Variants in DAB1 observed in about 807,000 individuals in gnomAD.
The protein encoded by DAB1 is disabled homolog 1.
DAB1 carries 15 observed loss-of-function variants against 64.6 expected under a neutral mutation model. The ratio of observed to expected loss-of-function variants is 0.23; its 90% CI spans 0.16 to 0.36. The LOEUF (loss-of-function observed/expected upper bound fraction) is 0.36. Among genes scored for constraint, DAB1 ranks in the 10% least tolerant of loss-of-function variants. DAB1 has a pLI of 1.00. For synonymous variants in DAB1, 235 were observed against 251.9 expected (o/e 0.93, Z 0.64); for missense variants, 596 against 706.7 (o/e 0.84, Z 1.78).
intron 5 of DAB1, among the ~76,000 whole-genome samples, chr1:58,101,130 C>T (rs956426767): frequency 6.6e-6 from 1 of 152,068 alleles, no homozygotes; most frequent in African/African-American, 2.4e-5. Flanking sequence ...TCCTGGCTAA[C>T]ACGGTGAAAC....
chr1:58,491,115 T>C (rs952331389), intron 3 of DAB1, among the ~76,000 whole-genome samples: 1 of 151,996 alleles, frequency 6.6e-6, no homozygotes, highest in Non-Finnish European at 1.5e-5. Flanking sequence ...CCCTTCAACA[T>C]ACTTAAAGAA....
intron 6 of DAB1, among the ~76,000 whole-genome samples, chr1:57,689,023 C>T (rs1206040800): frequency 2.3e-4 from 35 of 152,192 alleles, no homozygotes; most frequent in Non-Finnish European, 5.9e-5. Context: ...ACACAATATG[C>T]CCATGTAACA....
intron 3 of DAB1, among the ~76,000 whole-genome samples, chr1:58,501,210 T>C (rs1645901717): frequency 6.6e-6 from 1 of 152,226 alleles, no homozygotes; most frequent in Non-Finnish European, 1.5e-5. Context: ...AGGCAATTTA[T>C]ACATGTTTTA....
At chr1:57,761,938 G>A (rs1222724154) in intron 6 of DAB1, among the ~76,000 whole-genome samples, 1 of 152,148 alleles carries the variant, frequency 6.6e-6, no homozygotes, top group Admixed American at 6.5e-5. Flanking sequence ...AAAAAATGCC[G>A]AAGGGAAGAG....
chr1:58,305,086 G>T, intron 4 of DAB1, among the ~76,000 whole-genome samples: 1 of 151,906 alleles, frequency 6.6e-6, no homozygotes, highest in Non-Finnish European at 1.5e-5. Context: ...GAACTCCTGG[G>T]CTCAAGTAAT....
chr1:57,357,010 T>C (rs1338433462), intron 1 of DAB1, among the ~76,000 whole-genome samples: 5 of 152,120 alleles, frequency 3.3e-5, no homozygotes, highest in East Asian at 1.9e-4. Flanking sequence ...CCCTATCCTA[T>C]AGGGTCACTG....
chr1:57,260,540 C>G (rs1670102459), intron 2 of DAB1, among the ~76,000 whole-genome samples: 3 of 152,142 alleles, frequency 2.0e-5, no homozygotes, highest in Admixed American at 2.0e-4. Flanking sequence ...GGTACCTTAA[C>G]CCCTGAGAAC....
At chr1:57,166,714 C>T (rs1158410280) in intron 2 of DAB1, among the ~76,000 whole-genome samples, 2 of 152,144 alleles carry the variant, frequency 1.3e-5, no homozygotes, top group Non-Finnish European at 2.9e-5. Context: ...GGGTTAAAGG[C>T]AAATTCAAGG....
chr1:57,735,880 C>T (rs887479978), intron 6 of DAB1, among the ~76,000 whole-genome samples: 6 of 151,876 alleles, frequency 4.0e-5, no homozygotes, highest in South Asian at 2.1e-4. Flanking sequence ...TGTCTGGGCC[C>T]GGGATTAATG....
In DAB1 at chr1:58,396,171, T is replaced by G. The variant is rs190526893; in HGVS notation, n.258-52768A>C. ...GAAATGAGGCACCCCCAGGTCAGGA[T>G]GTGCTGGGCTCACACTTCAAGTCCG... On this transcript the variant is annotated intron_variant and non_coding_transcript_variant, in intron 3 of 20. Transcript: ENST00000485760. Among the ~76,000 whole-genome samples, 122 of 151,962 alleles carry G rather than the reference T, an allele frequency of 8.0e-4. 1 individual carries two copies. In the Middle Eastern group the frequency reaches 0.02, roughly 25 times the overall value.
intron 5 of DAB1, among the ~76,000 whole-genome samples, chr1:58,025,565 G>T (rs1443693925): frequency 6.8e-6 from 1 of 146,736 alleles, no homozygotes; most frequent in Non-Finnish European, 1.5e-5. Flanking sequence ...TATATAGAGA[G>T]AGAGCCTTTC....
intron 6 of DAB1, among the ~76,000 whole-genome samples, chr1:57,789,005 C>T (rs921466923): frequency 2.0e-5 from 3 of 152,076 alleles, no homozygotes; most frequent in African/African-American, 7.2e-5. Flanking sequence ...CCCCACCCTT[C>T]GCTTAAACAA....
At chr1:57,164,163 T>C (rs1036369788) in intron 2 of DAB1, among the ~76,000 whole-genome samples, 7 of 152,286 alleles carry the variant, frequency 4.6e-5, no homozygotes, top group Middle Eastern at 3.4e-3. Context: ...AGACACTCCA[T>C]AAATATGAGT....
chr1:58,514,503 G>C (rs769522819), intron 2 of DAB1, among the ~76,000 whole-genome samples: 1 of 152,136 alleles, frequency 6.6e-6, no homozygotes, highest in Non-Finnish European at 1.5e-5. Context: ...GCTCCTGTTA[G>C]CCATCACCCC....
intron 4 of DAB1, among the ~76,000 whole-genome samples, chr1:58,297,140 T>G (rs1171310405): frequency 6.6e-6 from 1 of 152,210 alleles, no homozygotes. Flanking sequence ...AATGGAAGCT[T>G]AATAGGATTT....
intron 2 of DAB1, among the ~76,000 whole-genome samples, chr1:58,518,100 C>T (rs528148646): frequency 2.9e-4 from 44 of 150,302 alleles, no homozygotes; most frequent in Non-Finnish European, 4.9e-4. Flanking sequence ...GCAGGAGAAT[C>T]GCTTGAACAC....
At chr1:57,460,175 G>A (rs1370187937) in intron 7 of DAB1, among the ~76,000 whole-genome samples, 4 of 152,196 alleles carry the variant, frequency 2.6e-5, no homozygotes, top group Non-Finnish European at 5.9e-5. Context: ...CCTTCCTCCA[G>A]AGGATGTAGC....
chr1:57,470,472 GT>G (rs1687098532), intron 7 of DAB1, among the ~76,000 whole-genome samples: 1 of 152,174 alleles, frequency 6.6e-6, no homozygotes, highest in African/African-American at 2.4e-5. Flanking sequence ...AATTGCTACA[GT>G]AGTAAAGTGA....
At position 57,926,488 on chromosome 1, in the gene DAB1, A is replaced by G. The variant is rs1357682679; in HGVS notation, n.388-42326T>C. Among the ~76,000 whole-genome samples, 4 of 152,312 alleles carry G rather than the reference A, an allele frequency of 2.6e-5. 1 individual carries two copies. The highest frequency in any genetic ancestry group is 6.8e-3 in the Middle Eastern group (2 of 294). On this transcript the variant is annotated intron_variant and non_coding_transcript_variant, in intron 5 of 20. Coordinates refer to the DAB1 transcript ENST00000485760. Reference sequence around the variant, plus strand: ...TGTGAGCCATGTTGAACAAGGTGTCAAGGGCCTTGGAGTCTCAATATGCCT... The same window carrying G: ...TGTGAGCCATGTTGAACAAGGTGTCGAGGGCCTTGGAGTCTCAATATGCCT...
Sources: gnomAD v4.1 joint callset for allele counts (sites outside exome capture counted in the v4.1 genomes callset) on GRCh38, gnomAD v4.1.1 for gene constraint, MANE v1.5 for transcripts, NCBI Gene and HGNC (gene_info 2026-07-23, HGNC 2026-07-21) for gene names.